Variants in CTNND2 observed in about 807,000 individuals in gnomAD.
The protein encoded by CTNND2 is catenin delta 2, also known as catenin delta-2.
CTNND2 carries 22 observed loss-of-function variants against 144.4 expected under a neutral mutation model. The observed-to-expected ratio is 0.15, with a 90% CI of 0.11 to 0.22. CTNND2 has a LOEUF of 0.22. Among genes scored for constraint, CTNND2 ranks in the 10% least tolerant of loss-of-function variants. The pLI is 1.00. For missense variants in CTNND2, 1,353 were observed against 1,618.8 expected, an observed-to-expected ratio of 0.84 and a Z score of 2.82; for synonymous variants, 751 against 695.6, an observed-to-expected ratio of 1.08 and a Z score of -1.25.
chr5:11,075,931 C>T (rs984176501), intron 16 of CTNND2, among the ~76,000 whole-genome samples: 1 of 152,240 alleles, frequency 6.6e-6, no homozygotes, highest in African/African-American at 2.4e-5. Context: ...ATTCCCCAAA[C>T]CTCCTCCAGA....
intron 9 of CTNND2, among the ~76,000 whole-genome samples, chr5:11,321,497 A>C (rs770766897): frequency 2.6e-5 from 4 of 152,210 alleles, no homozygotes; most frequent in Admixed American, 6.5e-5. Flanking sequence ...TCATGCCTGC[A>C]CATATTGCTA....
chr5:11,368,001 A>T (rs1757137149), intron 7 of CTNND2, among the ~76,000 whole-genome samples: 1 of 152,170 alleles, frequency 6.6e-6, no homozygotes, highest in Admixed American at 6.5e-5. Context: ...TCTTCTCTTC[A>T]CAGGGCAAAA....
At chr5:11,144,292 G>C (rs1757039330) in intron 12 of CTNND2, among the ~76,000 whole-genome samples, 1 of 152,198 alleles carries the variant, frequency 6.6e-6, no homozygotes, top group African/African-American at 2.4e-5. Flanking sequence ...GAGAAGAAAA[G>C]GGTGCATTTA....
At chr5:11,790,769 A>G (rs1224427559) in intron 1 of CTNND2, among the ~76,000 whole-genome samples, 2 of 152,216 alleles carry the variant, frequency 1.3e-5, no homozygotes, top group East Asian at 3.9e-4. Context: ...AAAGTTAGAT[A>G]CAGACCCTGG....
chr5:11,035,119 G>A (rs1040156003), intron 16 of CTNND2, among the ~76,000 whole-genome samples: 3 of 148,644 alleles, frequency 2.0e-5, no homozygotes, highest in African/African-American at 5.0e-5. Context: ...GAGAATATGC[G>A]GTGTTTGGTT....
chr5:11,064,269 C>G (rs1747309528), intron 16 of CTNND2, among the ~76,000 whole-genome samples: 1 of 152,148 alleles, frequency 6.6e-6, no homozygotes, highest in Non-Finnish European at 1.5e-5. Context: ...TGAGCTCCCT[C>G]TTTTCTGTGT....
intron 10 of CTNND2, among the ~76,000 whole-genome samples, chr5:11,206,075 C>T (rs1174489511): frequency 2.0e-5 from 3 of 152,140 alleles, no homozygotes; most frequent in African/African-American, 7.2e-5. Context: ...ACTGTATCAA[C>T]TTTTTAAAGG....
chr5:11,567,633 CA>C (rs1777226387), intron 2 of CTNND2, among the ~76,000 whole-genome samples: 1 of 152,122 alleles, frequency 6.6e-6, no homozygotes, highest in African/African-American at 2.4e-5. Flanking sequence ...TTATCCCATC[CA>C]GTGTATTTTT....
intron 11 of CTNND2, among the ~76,000 whole-genome samples, chr5:11,167,772 A>G (rs1759491787): frequency 6.7e-6 from 1 of 150,256 alleles, no homozygotes; most frequent in Non-Finnish European, 1.5e-5. Flanking sequence ...CATGGCTCAC[A>G]TGGCTCACTG....
chr5:11,719,876 A>ACACACC (rs1016017967), intron 2 of CTNND2, among the ~76,000 whole-genome samples: 6 of 144,300 alleles, frequency 4.2e-5, no homozygotes, highest in African/African-American at 1.6e-4. Context: ...ACACACACAC[A>ACACACC]CCACAGATCC....
chr5:11,570,983 A>G (rs1777506389), intron 2 of CTNND2, among the ~76,000 whole-genome samples: 1 of 151,570 alleles, frequency 6.6e-6, no homozygotes, highest in Non-Finnish European at 1.5e-5. Flanking sequence ...AGTTTTATCA[A>G]TTTAATCATG....
At chr5:11,683,560 C>T (rs547666361) in intron 2 of CTNND2, among the ~76,000 whole-genome samples, 3 of 152,178 alleles carry the variant, frequency 2.0e-5, no homozygotes, top group South Asian at 2.1e-4. Context: ...TGTTGAAGAC[C>T]GTCTTTGCAC....
At chr5:11,200,786 C>T (rs1378472342) in intron 10 of CTNND2, among the ~76,000 whole-genome samples, 1 of 152,236 alleles carries the variant, frequency 6.6e-6, no homozygotes, top group Non-Finnish European at 1.5e-5. Flanking sequence ...TCACGCCATT[C>T]TCCTGCCTCA....
At chr5:11,104,206 A>AT (rs1752190845) in intron 14 of CTNND2, among the ~76,000 whole-genome samples, 2 of 152,216 alleles carry the variant, frequency 1.3e-5, no homozygotes, top group Admixed American at 1.3e-4. Flanking sequence ...TTTTTAAGAT[A>AT]TTTCAGTGAA....
chr5:11,242,864 TTGGTTTCCA>T (rs1742596761), intron 9 of CTNND2, among the ~76,000 whole-genome samples: 1 of 152,218 alleles, frequency 6.6e-6, no homozygotes, highest in African/African-American at 2.4e-5. Flanking sequence ...CTTGCTGGCC[TTGGTTTCCA>T]TGGATCAATA....
chr5:11,744,699 G>T lies in CTNND2; in HGVS notation c.38-12427C>A, dbSNP rs1031147615. On this transcript the variant is annotated intron_variant, in intron 1 of 21. Transcript: ENST00000304623. ...TGTGTGTGTGTTTGTGTGTGTGCGT[G>T]TGTGTGTGTGTGCACGTGTGTGTGT... Among the ~76,000 whole-genome samples, 8 of 147,040 alleles carry T rather than the reference G, an allele frequency of 5.4e-5. No individual in the cohort carries two copies. In the East Asian group the frequency reaches 1.4e-3, roughly 26 times the overall value.
intron 1 of CTNND2, among the ~76,000 whole-genome samples, chr5:11,798,160 G>A (rs1476167427): frequency 2.0e-5 from 3 of 151,786 alleles, no homozygotes; most frequent in Middle Eastern, 3.4e-3. Context: ...TACTCAGGAG[G>A]CCAAGAAAGG....
In CTNND2 at chr5:11,589,753, T is replaced by C. The variant is rs542796954; in HGVS notation, c.175-24697A>G. ...GGCAAAGTATTTTAAGCACTTTTTA[T>C]TGACCTTTGTACCAAATGGATCCCA... On this transcript the variant is annotated intron_variant, in intron 2 of 21. Coordinates refer to ENST00000304623, the MANE Select transcript of CTNND2 (RefSeq NM_001332.4). 9.2e-5 allele frequency among the ~76,000 whole-genome samples: 14 copies of C among 152,356 alleles called. No homozygotes were observed. In the South Asian group the frequency reaches 2.7e-3, roughly 29 times the overall value.
intron 3 of CTNND2, among the ~76,000 whole-genome samples, chr5:11,461,721 A>G (rs1023485682): frequency 7.2e-5 from 11 of 152,216 alleles, no homozygotes. Context: ...TAAACAAAGA[A>G]ACAAAAGAGT....
Sources: gnomAD v4.1 joint callset for allele counts (sites outside exome capture counted in the v4.1 genomes callset) on GRCh38, gnomAD v4.1.1 for gene constraint, MANE v1.5 for transcripts, NCBI Gene and HGNC (gene_info 2026-07-23, HGNC 2026-07-21) for gene names.